TRPS1: variants seen among roughly 807,000 people sequenced by gnomAD.
TRPS1 encodes transcriptional repressor GATA binding 1, also known as zinc finger transcription factor Trps1.
TRPS1 carries 6 observed loss-of-function variants against 101.2 expected under a neutral mutation model. The observed-to-expected ratio is 0.06, with a 90% CI of 0.03 to 0.12. The LOEUF (loss-of-function observed/expected upper bound fraction) is 0.12, where lower values mean the gene tolerates loss of function less well. TRPS1 is among the 10% of genes least tolerant of loss of function. The pLI, the probability that TRPS1 is intolerant of heterozygous loss-of-function variation, is 1.00. For missense variants in TRPS1, 1,363 were observed against 1,567.0 expected (o/e 0.87, Z 2.20); for synonymous variants, 578 against 589.8 (o/e 0.98, Z 0.29).
At chr8:115,598,441 G>A (rs1817836433) in intron 4 of TRPS1, among the ~76,000 whole-genome samples, 1 of 151,892 alleles carries the variant, frequency 6.6e-6, no homozygotes, top group Non-Finnish European at 1.5e-5. Flanking sequence ...TGAGTACCTG[G>A]GACCACAGGT....
intron 5 of TRPS1, among the ~76,000 whole-genome samples, chr8:115,518,919 TTTA>T (rs936678086): frequency 1.3e-5 from 2 of 151,948 alleles, no homozygotes; most frequent in Admixed American, 6.6e-5. Flanking sequence ...TCACTTGCCT[TTTA>T]CAATTGTCAA....
intron 5 of TRPS1, among the ~76,000 whole-genome samples, chr8:115,465,962 A>G (rs1299073056): frequency 1.3e-5 from 2 of 152,184 alleles, no homozygotes; most frequent in African/African-American, 4.8e-5. Context: ...GTCAATCTAG[A>G]TCATGAAGGA....
At chr8:115,559,513 CAGA>C (rs1275713871) in intron 5 of TRPS1, among the ~76,000 whole-genome samples, 3 of 152,038 alleles carry the variant, frequency 2.0e-5, no homozygotes, top group Admixed American at 6.6e-5. Flanking sequence ...CAGATATACA[CAGA>C]AGAAGTAACT....
intron 5 of TRPS1, among the ~76,000 whole-genome samples, chr8:115,578,967 A>G (rs1337764268): frequency 6.6e-6 from 1 of 152,130 alleles, no homozygotes; most frequent in African/African-American, 2.4e-5. Context: ...GAGGCTATGC[A>G]ATGGTTATGA....
chr8:115,604,326 C>T lies in TRPS1; in HGVS notation c.1643G>A (p.Ser548Asn), dbSNP rs1817979931. 6.2e-7 allele frequency: 1 copy of T among 1,613,898 alleles called. No homozygotes were observed. The highest frequency in any genetic ancestry group is 1.3e-5 in the African/African-American group (1 of 74,872). The change falls in exon 4 of 7, where the codon AGC becomes AAC. Residue 548 changes from serine (S) to asparagine (N), a missense_variant. Transcript: ENST00000395715. This position sits in a 1 kb window ranked among gnomAD's most constrained non-coding sequence, Gnocchi z 4.1. ...CQFCDFRYSK[S>N]HGPDVIVVGP... ...CACTACAATTACATCAGGGCCATGG[C>T]TTTTGGAATATCGGAAGTCACAGAA...
At chr8:115,542,019 C>G (rs1178190972) in intron 5 of TRPS1, among the ~76,000 whole-genome samples, 1 of 152,076 alleles carries the variant, frequency 6.6e-6, no homozygotes, top group Non-Finnish European at 1.5e-5. Flanking sequence ...AGAACTTCTG[C>G]AAAAGAGATT....
At chr8:115,461,261 ATAGATAG>A (rs1202856154) in intron 5 of TRPS1, among the ~76,000 whole-genome samples, 13 of 85,828 alleles carry the variant, frequency 1.5e-4, no homozygotes, top group African/African-American at 3.6e-4. Context: ...GGATAGATAG[ATAGATAG>A]ATAGATAGAT....
At chr8:115,626,735 G>A (rs1818517070) in intron 1 of TRPS1, among the ~76,000 whole-genome samples, 1 of 151,694 alleles carries the variant, frequency 6.6e-6, no homozygotes, top group Non-Finnish European at 1.5e-5. Context: ...CCCATTAATA[G>A]TCATCTGGAC....
intron 2 of TRPS1, among the ~76,000 whole-genome samples, chr8:115,620,484 T>C (rs1358483488): frequency 6.6e-6 from 1 of 152,162 alleles, no homozygotes; most frequent in Non-Finnish European, 1.5e-5. Flanking sequence ...ATAAAATACA[T>C]ATATGTGTTT....
rs139711525 is a variant in TRPS1 at position 115,547,772 on chromosome 8, C to T, written c.2700+39229G>A. On this transcript the variant is annotated intron_variant, in intron 5 of 6. Coordinates refer to ENST00000395715, the MANE Select transcript of TRPS1 (RefSeq NM_014112.5). ...AGCCATCTCTCCACCATTCCTTCTA[C>T]GCTGCACTTATTTCGGTTTTCCTTT... Among the ~76,000 whole-genome samples the T allele has an allele frequency of 1.0e-3, 152 of 152,276 alleles. No individual in the cohort carries two copies. In the East Asian group the frequency reaches 0.026, roughly 26 times the overall value.
chr8:115,440,360 T>C (rs562196757), intron 5 of TRPS1, among the ~76,000 whole-genome samples: 38 of 152,328 alleles, frequency 2.5e-4, no homozygotes, highest in African/African-American at 9.1e-4. Flanking sequence ...GCCTCCCTGT[T>C]CTTCAAAGGG....
chr8:115,570,709 A>ACACT (rs36033772), intron 5 of TRPS1, among the ~76,000 whole-genome samples: 54,014 of 150,938 alleles, frequency 0.36, 10,201 homozygotes, highest in East Asian at 0.58. Context: ...ACACACACAC[A>ACACT]CACACACACA....
chr8:115,536,136 A>G (rs1000746753), intron 5 of TRPS1, among the ~76,000 whole-genome samples: 4 of 152,202 alleles, frequency 2.6e-5, no homozygotes, highest in African/African-American at 7.2e-5. Flanking sequence ...ACAAATACGT[A>G]ATACAGACAA....
intron 5 of TRPS1, among the ~76,000 whole-genome samples, chr8:115,439,489 G>A (rs1160698093): frequency 2.0e-5 from 3 of 152,082 alleles, no homozygotes; most frequent in African/African-American, 7.2e-5. Flanking sequence ...TGTTCTTCAG[G>A]TTTTTACAAA....
At chr8:115,453,601 A>AT (rs1252212809) in intron 5 of TRPS1, among the ~76,000 whole-genome samples, 1 of 152,218 alleles carries the variant, frequency 6.6e-6, no homozygotes, top group East Asian at 1.9e-4. Context: ...TGTGAAACAC[A>AT]TTGTTGTCTT....
chr8:115,595,381 GA>G (rs1221934564), intron 4 of TRPS1, among the ~76,000 whole-genome samples: 3 of 151,910 alleles, frequency 2.0e-5, no homozygotes, highest in Admixed American at 1.3e-4. Flanking sequence ...GTCAGTCCTT[GA>G]GAACTGTAAA....
intron 5 of TRPS1, among the ~76,000 whole-genome samples, chr8:115,441,894 A>AGGGT (rs746166025): frequency 7.6e-6 from 1 of 132,174 alleles, no homozygotes; most frequent in Admixed American, 7.3e-5. Flanking sequence ...AGAGAGAGAG[A>AGGGT]GAGAGTGTGT....
chr8:115,467,579 AGACACATTTTTTAAAAAG>A (rs1814356255), intron 5 of TRPS1, among the ~76,000 whole-genome samples: 1 of 152,126 alleles, frequency 6.6e-6, no homozygotes, highest in Non-Finnish European at 1.5e-5. Context: ...ACAGAGAATA[AGACACATTTTTTAAAAAG>A]GGATAGGCTA....
At chr8:115,429,310 C>T (rs776172693) in intron 5 of TRPS1, among the ~76,000 whole-genome samples, 2 of 152,148 alleles carry the variant, frequency 1.3e-5, no homozygotes, top group Non-Finnish European at 2.9e-5. Flanking sequence ...TTTGCACGTC[C>T]ATTAGTGGGA....
Sources: allele counts gnomAD v4.1 joint callset (sites outside exome capture counted in the v4.1 genomes callset), GRCh38; gene constraint gnomAD v4.1.1; non-coding constraint Gnocchi (gnomAD v3.1); transcripts MANE v1.5; gene names NCBI Gene and HGNC (gene_info 2026-07-23, HGNC 2026-07-21).